The following XIRP2 variants were observed in gnomAD, a reference collection of about 807,000 sequenced individuals.
XIRP2 encodes xin actin-binding repeat-containing protein 2.
In XIRP2, 236 loss-of-function variants were observed where a neutral mutation model predicts 277.0. That is an observed-to-expected ratio of 0.85 (90% CI 0.77 to 0.95). The LOEUF (loss-of-function observed/expected upper bound fraction) is 0.95. Among genes scored for constraint, XIRP2 ranks in the 40% least tolerant of loss-of-function variants. XIRP2 has a pLI of 0.00. For synonymous variants in XIRP2, 1,490 were observed against 1,416.5 expected (o/e 1.05, Z -1.17); for missense variants, 4,640 against 4,157.5 (o/e 1.12, Z -3.19).
chr2:166,958,900 G>A (rs1686234911), intron 2 of XIRP2, among the ~76,000 whole-genome samples: 1 of 151,672 alleles, frequency 6.6e-6, no homozygotes, highest in Non-Finnish European at 1.5e-5. Context: ...AATGGCAAAG[G>A]GGATTTTCGA....
At chr2:167,042,772 A>AC (rs773026597) in intron 2 of XIRP2, among the ~76,000 whole-genome samples, 11 of 152,058 alleles carry the variant, frequency 7.2e-5, no homozygotes, top group Non-Finnish European at 1.3e-4. Context: ...ATATTTGAAG[A>AC]CCCCCACTGA....
chr2:167,205,214 A>T (rs749234304), intron 3 of XIRP2, among the ~76,000 whole-genome samples: 2 of 152,202 alleles, frequency 1.3e-5, no homozygotes, highest in Non-Finnish European at 2.9e-5. Context: ...CACATTGGCT[A>T]TAACACCCTG....
intron 2 of XIRP2, among the ~76,000 whole-genome samples, chr2:166,963,888 T>C (rs1686360721): frequency 6.6e-6 from 1 of 151,758 alleles, no homozygotes; most frequent in Admixed American, 6.6e-5. Context: ...CTGGCTACCT[T>C]GGGAAAATAG....
chr2:167,092,922 T>A (rs952237464), intron 2 of XIRP2, among the ~76,000 whole-genome samples: 3 of 152,128 alleles, frequency 2.0e-5, no homozygotes, highest in African/African-American at 4.8e-5. Context: ...GTCAACAACA[T>A]CTGCTTATAT....
At chr2:166,971,431 G>A (rs1243116612) in intron 2 of XIRP2, among the ~76,000 whole-genome samples, 2 of 151,868 alleles carry the variant, frequency 1.3e-5, no homozygotes, top group African/African-American at 4.8e-5. Context: ...TATTAACTTG[G>A]GGAGAATTTT....
rs1194632819 is a variant in XIRP2 at position 167,246,126 on chromosome 2, G to C, written c.4734G>C (p.Gly1578=). Residue 1578 remains glycine, a synonymous_variant, in exon 9 of 11, where the codon GGG becomes GGC. Coordinates refer to ENST00000409195, the MANE Select transcript of XIRP2 (RefSeq NM_152381.6). ...TCATCATTGAAGCTGATGAAATAGGGGATGTTCGAATGGCAAAATACAAGC... is the reference window on the plus strand; with the variant it reads ...TCATCATTGAAGCTGATGAAATAGGCGATGTTCGAATGGCAAAATACAAGC... ...PGIIIEADEI[G]DVRMAKYKLM... 1 of 1,613,206 alleles carries C rather than the reference G, an allele frequency of 6.2e-7. No individual in the cohort carries two copies. Among genetic ancestry groups the C allele is most frequent in the Non-Finnish European group, 8.5e-7 (1 of 1,179,746 alleles).
chr2:167,127,427 C>T (rs1691240156), intron 2 of XIRP2, among the ~76,000 whole-genome samples: 1 of 152,196 alleles, frequency 6.6e-6, no homozygotes, highest in African/African-American at 2.4e-5. Context: ...TTCCAGCTTA[C>T]AGAAATGCTT....
intron 2 of XIRP2, among the ~76,000 whole-genome samples, chr2:167,038,278 TACTTTTGC>T (rs1271107425): frequency 6.6e-6 from 1 of 152,038 alleles, no homozygotes; most frequent in African/African-American, 2.4e-5. Context: ...ATTTATATAT[TACTTTTGC>T]ACCAACCTAT....
intron 3 of XIRP2, among the ~76,000 whole-genome samples, chr2:167,208,338 G>A (rs763575086): frequency 1.3e-5 from 2 of 151,908 alleles, no homozygotes; most frequent in Non-Finnish European, 2.9e-5. Context: ...ACGGAGTCTC[G>A]CTCTGTCGCC....
rs1244226196 is a variant in XIRP2 at position 167,011,099 on chromosome 2, C to A, written c.408+107209C>A. Among the ~76,000 whole-genome samples, 3 of 150,282 alleles carry A rather than the reference C, an allele frequency of 2.0e-5. No individual in the cohort carries two copies. In the East Asian group the frequency reaches 5.9e-4, roughly 29 times the overall value. ...GCCTAATTGCCCTGGCCAGAACTTCCAACACTATGTTGAATAGGAGTGGTG... is the reference window on the plus strand; with the variant it reads ...GCCTAATTGCCCTGGCCAGAACTTCAAACACTATGTTGAATAGGAGTGGTG... On this transcript the variant is annotated intron_variant, in intron 2 of 10. Coordinates refer to ENST00000409195, the MANE Select transcript of XIRP2 (RefSeq NM_152381.6).
In XIRP2 at chr2:167,032,742, A is replaced by T. The variant is rs200855429; in HGVS notation, c.409-103167A>T. ...AGAAATGCAAATCAAAACCCCAATGAGATACCATCTTACATCAGTTAGAAT... is the reference window on the plus strand; with the variant it reads ...AGAAATGCAAATCAAAACCCCAATGTGATACCATCTTACATCAGTTAGAAT... On this transcript the variant is annotated intron_variant, in intron 2 of 10. Coordinates refer to ENST00000409195, the MANE Select transcript of XIRP2 (RefSeq NM_152381.6). Among the ~76,000 whole-genome samples, 11 of 152,360 alleles carry T rather than the reference A, an allele frequency of 7.2e-5. No homozygotes were observed. The East Asian group carries it at 2.1e-3, about 29-fold the overall frequency.
intron 2 of XIRP2, among the ~76,000 whole-genome samples, chr2:167,067,222 T>C (rs954395374): frequency 1.1e-4 from 16 of 152,154 alleles, no homozygotes; most frequent in African/African-American, 3.6e-4. Context: ...TTTATTTATT[T>C]TGGTATTTTT....
intron 2 of XIRP2, among the ~76,000 whole-genome samples, chr2:167,105,449 G>A (rs1012043397): frequency 6.6e-6 from 1 of 151,666 alleles, no homozygotes; most frequent in African/African-American, 2.4e-5. Flanking sequence ...ATTCAGCTTG[G>A]GATCCATCTA....
chr2:167,156,582 C>T (rs1337258075), intron 3 of XIRP2, among the ~76,000 whole-genome samples: 1 of 152,152 alleles, frequency 6.6e-6, no homozygotes, highest in African/African-American at 2.4e-5. Flanking sequence ...TACTTGCACA[C>T]TCAGTGCCTA....
intron 2 of XIRP2, among the ~76,000 whole-genome samples, chr2:167,070,226 C>A (rs1689404663): frequency 1.3e-5 from 2 of 152,010 alleles, no homozygotes; most frequent in South Asian, 4.1e-4. Context: ...GTATTTGGAT[C>A]CCTCCAATGT....
chr2:167,043,371 T>G (rs1044732710), intron 2 of XIRP2, among the ~76,000 whole-genome samples: 25 of 151,852 alleles, frequency 1.6e-4, no homozygotes, highest in African/African-American at 6.0e-4. Context: ...CAAAAAAAGA[T>G]ACACATTCAT....
Position 167,243,682 on chromosome 2 carries a change from AAGGG to A in XIRP2, c.2293_2296del (p.Gly765MetfsTer2), listed in dbSNP as rs1695151908. Reference sequence around the variant, plus strand: ...AACTGTTCACAGAGAAGACGTTGAAAAGGGAGATGTAAGAACAGCACGGTGGATG... The same window carrying A: ...AACTGTTCACAGAGAAGACGTTGAAAAGATGTAAGAACAGCACGGTGGATG... On this transcript the variant is annotated frameshift_variant, in exon 9 of 11. Coordinates refer to ENST00000409195, the MANE Select transcript of XIRP2 (RefSeq NM_152381.6). LOFTEE classifies it high-confidence loss of function. The A allele has an allele frequency of 6.2e-7, 1 of 1,613,900 alleles. No individual in the cohort carries two copies. Among genetic ancestry groups the A allele is most frequent in the South Asian group, 1.1e-5 (1 of 91,076 alleles).
chr2:167,078,074 G>A (rs1406327701), intron 2 of XIRP2, among the ~76,000 whole-genome samples: 1 of 152,100 alleles, frequency 6.6e-6, no homozygotes, highest in African/African-American at 2.4e-5. Context: ...TGGGCAGTGT[G>A]GCCATTTCAA....
intron 2 of XIRP2, among the ~76,000 whole-genome samples, chr2:167,025,198 G>A (rs970407961): frequency 4.6e-5 from 7 of 152,200 alleles, no homozygotes; most frequent in East Asian, 1.9e-4. Flanking sequence ...TGTATGTGTC[G>A]AGGAATTTAT....
Sources: gnomAD v4.1 joint callset for allele counts (sites outside exome capture counted in the v4.1 genomes callset) on GRCh38, gnomAD v4.1.1 for gene constraint, MANE v1.5 for transcripts, NCBI Gene and HGNC (gene_info 2026-07-23, HGNC 2026-07-21) for gene names.